Variants in CEACAM20 observed in about 807,000 individuals in gnomAD.
CEACAM20 encodes CEA cell adhesion molecule 20, also known as cell adhesion molecule CEACAM20.
In CEACAM20, 50 loss-of-function variants were observed where a neutral mutation model predicts 61.2. That is an observed-to-expected ratio of 0.82 (90% CI 0.65 to 1.03). The LOEUF is 1.03. CEACAM20 is among the 50% of genes least tolerant of loss of function. CEACAM20 has a pLI of 0.00. For missense variants in CEACAM20, 683 were observed against 736.4 expected, an observed-to-expected ratio of 0.93 and a Z score of 0.84; for synonymous variants, 282 against 287.7, an observed-to-expected ratio of 0.98 and a Z score of 0.20.
At chr19:44,515,306 A>G (rs930248948) in intron 6 of CEACAM20, among the ~76,000 whole-genome samples, 5 of 152,120 alleles carry the variant, frequency 3.3e-5, no homozygotes, top group African/African-American at 1.2e-4. Context: ...TTCATACATG[A>G]TCTTATTCAA....
intron 11 of CEACAM20, among the ~76,000 whole-genome samples, chr19:44,506,583 A>T (rs1377460620): frequency 2.0e-5 from 3 of 152,252 alleles, no homozygotes; most frequent in African/African-American, 7.2e-5. Flanking sequence ...TAAGATTATG[A>T]CTTCTGTCTT....
chr19:44,518,107 G>GAAGA (rs1971233961), intron 5 of CEACAM20, among the ~76,000 whole-genome samples: 1 of 40,706 alleles, frequency 2.5e-5, no homozygotes, highest in Non-Finnish European at 4.8e-5. Flanking sequence ...AGAAAGAAAG[G>GAAGA]AAGGAAGGAA....
chr19:44,527,034 C>T (rs1265125849), intron 1 of CEACAM20, among the ~76,000 whole-genome samples: 2 of 152,178 alleles, frequency 1.3e-5, no homozygotes, highest in Non-Finnish European at 2.9e-5. Flanking sequence ...AACACTGCCC[C>T]ATTCCCTGCC....
At chr19:44,510,582 A>C in intron 11 of CEACAM20, among the ~76,000 whole-genome samples, 1 of 49,636 alleles carries the variant, frequency 2.0e-5, no homozygotes, top group Non-Finnish European at 3.7e-5. Context: ...GAAAGAAAGA[A>C]AGAAAGAAAG....
intron 7 of CEACAM20, 92 bp downstream of exon 7, chr19:44,513,080 A>G: frequency 7.7e-7 from 1 of 1,306,468 alleles, no homozygotes; most frequent in Non-Finnish European, 1.1e-6. Context: ...GTGCCAGACA[A>G]GACTCAGCAC....
intron 3 of CEACAM20, among the ~76,000 whole-genome samples, 182 bp from the exon 4 acceptor site, chr19:44,523,094 A>C (rs968903381): frequency 2.0e-5 from 3 of 152,216 alleles, no homozygotes; most frequent in Non-Finnish European, 4.4e-5. Flanking sequence ...TGGGTAAAGC[A>C]AGATTGAAAG....
rs1485429103 is a variant in CEACAM20, at chr19:44,520,477, T to C, written c.1027A>G (p.Asn343Asp). 1 of 1,611,764 alleles carries C rather than the reference T, an allele frequency of 6.2e-7. No homozygotes were observed. The highest frequency in any genetic ancestry group is 1.1e-5 in the South Asian group (1 of 90,994). Residue 343 changes from asparagine to aspartate, a missense_variant, in exon 5 of 12, where the codon AAC becomes GAC. Asn to Asp is a conservative substitution (Grantham distance 23). Transcript: ENST00000614924. ...GTCCAGGCCCTGGGTGACTCACAGTTGATGGTCAGCTCAAGGGGCTCACTC... is the reference window on the plus strand; with the variant it reads ...GTCCAGGCCCTGGGTGACTCACAGTCGATGGTCAGCTCAAGGGGCTCACTC... ...ARSEPLELTI[N>D]YGPDQVHITR...
chr19:44,506,170 G>T lies in CEACAM20; in HGVS notation c.1782C>A (p.Pro594=), dbSNP rs779881184. ...PEPNTYIQIN[P]SV ...AAGATCTCTGCTTCCATTAGACGGA[G>T]GGGTTGATTTGGATGTAAGTGTTGG... The change falls in exon 12 of 12, where the codon CCC becomes CCA. Residue 594 remains proline, a synonymous_variant. Coordinates refer to ENST00000614924, the MANE Select transcript of CEACAM20 (RefSeq NM_001102597.3). 13 of 1,613,466 alleles carry T rather than the reference G, an allele frequency of 8.1e-6. No homozygotes were observed. The highest frequency in any genetic ancestry group is 1.0e-5 in the Non-Finnish European group (12 of 1,179,592).
rs376936436 is a variant in CEACAM20 at position 44,511,170 on chromosome 19, A to T, written c.1612-15T>A. Reference sequence around the variant, plus strand: ...GGCAGCTTCGTCTGCAAGTAAGCAGAGAAATTAGGCAGGGCCCACAGACAC... The same window carrying T: ...GGCAGCTTCGTCTGCAAGTAAGCAGTGAAATTAGGCAGGGCCCACAGACAC... On this transcript the variant is annotated splice_polypyrimidine_tract_variant and intron_variant, in intron 10 of 11. Transcript: ENST00000614924. 3.1e-6 allele frequency: 5 copies of T among 1,613,022 alleles called. No individual in the cohort carries two copies. The African/African-American group carries it at 6.7e-5, about 22-fold the overall frequency.
chr19:44,511,978 CA>C, intron 9 of CEACAM20, 38 bp downstream of exon 9: 2 of 1,574,012 alleles, frequency 1.3e-6, no homozygotes, highest in Non-Finnish European at 1.7e-6. Context: ...GCAGCCTGGT[CA>C]GGGGATCAAG....
intron 6 of CEACAM20, 82 bp downstream of exon 6, chr19:44,516,864 G>T (rs930256361): frequency 1.4e-6 from 2 of 1,476,390 alleles, no homozygotes; most frequent in African/African-American, 1.4e-5. Context: ...TCCAGCCCTC[G>T]GTAGGGGTAG....
intron 6 of CEACAM20, among the ~76,000 whole-genome samples, chr19:44,515,946 G>T (rs1013419953): frequency 1.3e-5 from 2 of 152,110 alleles, no homozygotes; most frequent in Non-Finnish European, 2.9e-5. Context: ...ACAAAAAAAG[G>T]AATAATTTTA....
intron 4 of CEACAM20, among the ~76,000 whole-genome samples, chr19:44,520,978 G>T (rs562336730): frequency 6.6e-6 from 1 of 152,268 alleles, no homozygotes; most frequent in African/African-American, 2.4e-5. Context: ...AATGAGTTTT[G>T]TGTGTATGGA....
intron 11 of CEACAM20, among the ~76,000 whole-genome samples, chr19:44,509,468 G>A (rs527405937): frequency 1.3e-5 from 2 of 152,082 alleles, no homozygotes; most frequent in Admixed American, 1.3e-4. Context: ...GCAAAGGACT[G>A]GAAAGAAATG....
intron 11 of CEACAM20, among the ~76,000 whole-genome samples, 173 bp from the exon 12 acceptor site, chr19:44,506,387 G>A (rs1970819107): frequency 6.6e-6 from 1 of 152,144 alleles, no homozygotes; most frequent in South Asian, 2.1e-4. Flanking sequence ...TTCCTGGAAT[G>A]GCCCATGTAC....
chr19:44,529,317 A>AT (rs1195336837), intron 1 of CEACAM20, 141 bp downstream of exon 1: 11 of 716,856 alleles, frequency 1.5e-5, no homozygotes, highest in East Asian at 2.8e-5. Flanking sequence ...CTGTGTCTCT[A>AT]TTTTTTTTCT....
Position 44,517,109 on chromosome 19 carries a change from A to G in CEACAM20, c.1146T>C (p.Gly382=), listed in dbSNP as rs764444282. 1.2e-6 allele frequency: 2 copies of G among 1,612,802 alleles called. No homozygotes were observed. The highest frequency in any genetic ancestry group is 1.7e-6 in the Non-Finnish European group (2 of 1,179,576). Reference sequence around the variant, plus strand: ...GTTCAAGAGTCCAGCGATACTCAGCACCTGGCTTGGACTCGGCCCAACACT... The same window carrying G: ...GTTCAAGAGTCCAGCGATACTCAGCGCCTGGCTTGGACTCGGCCCAACACT... ...TLQCWAESKP[G]AEYRWTLEHS... The change falls in exon 6 of 12, where the codon GGT becomes GGC. Residue 382 remains glycine, a synonymous_variant. Transcript: ENST00000614924.
chr19:44,521,234 G>A (rs1222809816), intron 4 of CEACAM20, among the ~76,000 whole-genome samples: 1 of 152,110 alleles, frequency 6.6e-6, no homozygotes. Flanking sequence ...TGTGTGCATT[G>A]TGTGTCTGTT....
intron 9 of CEACAM20, 102 bp downstream of exon 9, chr19:44,511,915 C>T: frequency 1.7e-6 from 2 of 1,180,266 alleles, no homozygotes; most frequent in Non-Finnish European, 2.5e-6. Flanking sequence ...TAACCTGGCA[C>T]TGGGTTTTCT....
Sources: gnomAD v4.1 joint callset for allele counts (sites outside exome capture counted in the v4.1 genomes callset) on GRCh38, gnomAD v4.1.1 for gene constraint, MANE v1.5 for transcripts, NCBI Gene and HGNC (gene_info 2026-07-23, HGNC 2026-07-21) for gene names.